The following REDIC1 variants were observed in gnomAD, a reference collection of about 807,000 sequenced individuals.
The protein encoded by REDIC1 is regulator of DNA class I crossover intermediates 1.
the REDIC1 span, among the ~76,000 whole-genome samples, chr12:39,713,507 T>G: frequency 3.3e-5 from 5 of 149,714 alleles, no homozygotes; most frequent in African/African-American, 1.2e-4. Flanking sequence ...CATACATATG[T>G]ATACATGCGT....
At chr12:39,888,652 C>T in the REDIC1 span, among the ~76,000 whole-genome samples, 2 of 152,210 alleles carry the variant, frequency 1.3e-5, no homozygotes, top group African/African-American at 2.4e-5. Flanking sequence ...GAGCACAGTA[C>T]TAATTTCACT....
chr12:39,893,592 C>T, the REDIC1 span, among the ~76,000 whole-genome samples: 72 of 152,282 alleles, frequency 4.7e-4, 2 homozygotes, highest in Admixed American at 2.9e-3. Flanking sequence ...GGAGCCACCA[C>T]GCCAGGCCTA....
the REDIC1 span, among the ~76,000 whole-genome samples, chr12:39,774,868 A>G: frequency 6.6e-6 from 1 of 152,174 alleles, no homozygotes; most frequent in African/African-American, 2.4e-5. Flanking sequence ...AAATAGATGG[A>G]TGGAGTATGG....
chr12:39,702,199 A>G, the REDIC1 span, among the ~76,000 whole-genome samples: 1 of 152,222 alleles, frequency 6.6e-6, no homozygotes, highest in Non-Finnish European at 1.5e-5. Flanking sequence ...AGCAAGACTA[A>G]TAAAAAAAGA....
chr12:39,833,188 T>A, the REDIC1 span, among the ~76,000 whole-genome samples: 583 of 152,242 alleles, frequency 3.8e-3, 5 homozygotes, highest in Non-Finnish European at 5.9e-3. Flanking sequence ...TTACTTATTG[T>A]TTATGACTGC....
the REDIC1 span, chr12:39,640,942 C>T: frequency 6.2e-7 from 1 of 1,605,576 alleles, no homozygotes; most frequent in Admixed American, 1.7e-5. Context: ...TTTTATTCTG[C>T]TGCTTTTTTC....
the REDIC1 span, among the ~76,000 whole-genome samples, chr12:39,898,595 CTG>C: frequency 6.6e-6 from 1 of 152,120 alleles, no homozygotes; most frequent in Non-Finnish European, 1.5e-5. Flanking sequence ...ATTGTAACAT[CTG>C]TGTCTTCAAA....
At chr12:39,703,712 G>A in the REDIC1 span, among the ~76,000 whole-genome samples, 2 of 152,120 alleles carry the variant, frequency 1.3e-5, no homozygotes, top group Non-Finnish European at 1.5e-5. Flanking sequence ...AGACAGCATG[G>A]TACTGGTACC....
chr12:39,801,339 T>TAA, the REDIC1 span, among the ~76,000 whole-genome samples: 5 of 126,858 alleles, frequency 3.9e-5, no homozygotes, highest in African/African-American at 1.4e-4. Flanking sequence ...ATGAGGAAAT[T>TAA]AAAAAAAAAA....
At chr12:39,713,605 T>C in the REDIC1 span, among the ~76,000 whole-genome samples, 1 of 149,244 alleles carries the variant, frequency 6.7e-6, no homozygotes, top group East Asian at 2.0e-4. Flanking sequence ...TACGTATATA[T>C]ACATATGTAT....
At chr12:39,833,874 G>A in the REDIC1 span, among the ~76,000 whole-genome samples, 2 of 142,520 alleles carry the variant, frequency 1.4e-5, no homozygotes, top group Non-Finnish European at 3.0e-5. Context: ...CCACACTTTT[G>A]CCTCTGAAGC....
At chr12:39,839,202 G>C in the REDIC1 span, among the ~76,000 whole-genome samples, 1 of 152,160 alleles carries the variant, frequency 6.6e-6, no homozygotes. Context: ...ACTACCAGTC[G>C]GGACAGCGAC....
the REDIC1 span, among the ~76,000 whole-genome samples, chr12:39,644,698 G>A: frequency 6.6e-6 from 1 of 151,648 alleles, no homozygotes; most frequent in Admixed American, 6.6e-5. Flanking sequence ...TGGATTTTGA[G>A]AATAAAACTT....
the REDIC1 span, among the ~76,000 whole-genome samples, chr12:39,816,013 A>G: frequency 6.6e-6 from 1 of 152,204 alleles, no homozygotes; most frequent in Non-Finnish European, 1.5e-5. Flanking sequence ...TCAATTAGCT[A>G]TTCTCTAGAC....
At chr12:39,683,096 C>T in the REDIC1 span, 1 of 1,610,518 alleles carries the variant, frequency 6.2e-7, no homozygotes, top group Non-Finnish European at 8.5e-7. Flanking sequence ...GATCTTAGTA[C>T]ATCTTTTGAG....
At chr12:39,626,858 A>G in the REDIC1 span, among the ~76,000 whole-genome samples, 4 of 152,360 alleles carry the variant, frequency 2.6e-5, no homozygotes, top group South Asian at 6.2e-4. Context: ...AGGGGAAGTA[A>G]AGTGAACCGT....
chr12:39,737,001 C>T, the REDIC1 span: 2 of 152,228 alleles, frequency 1.3e-5, no homozygotes, highest in Non-Finnish European at 2.9e-5. Context: ...GTTGGCTACA[C>T]AGCATTAGAT....
chr12:39,805,136 G>GCAGGC, the REDIC1 span, among the ~76,000 whole-genome samples: 3 of 148,918 alleles, frequency 2.0e-5, no homozygotes, highest in Admixed American at 6.8e-5. Flanking sequence ...GACAGCAAGG[G>GCAGGC]CAGGCCAGGC....
the REDIC1 span, among the ~76,000 whole-genome samples, chr12:39,750,721 A>C: frequency 4.2e-4 from 64 of 152,306 alleles, no homozygotes; most frequent in African/African-American, 1.5e-3. Flanking sequence ...GAGATATAGA[A>C]CAATGGAACA....
Sources: allele counts gnomAD v4.1 joint callset (sites outside exome capture counted in the v4.1 genomes callset), GRCh38; gene constraint gnomAD v4.1.1; transcripts MANE v1.5; gene names NCBI Gene and HGNC (gene_info 2026-07-23, HGNC 2026-07-21).